EML5: variants seen among roughly 807,000 people sequenced by gnomAD.
EML5 encodes the protein EMAP like 5, also known as echinoderm microtubule-associated protein-like 5.
Under a neutral mutation model 250.0 loss-of-function variants are expected in EML5, and 120 were observed. That is an observed-to-expected ratio of 0.48 (90% confidence interval 0.41 to 0.56). The LOEUF (loss-of-function observed/expected upper bound fraction) is 0.56. Among genes scored for constraint, EML5 ranks in the 20% least tolerant of loss-of-function variants. The probability of loss-of-function intolerance (pLI) is 0.00; values close to 1 mark genes in which losing one functional copy is unlikely to be tolerated. For synonymous variants in EML5, 771 were observed against 806.5 expected (o/e 0.96, Z 0.75); for missense variants, 2,006 against 2,437.6 (o/e 0.82, Z 3.73).
Position 88,702,606 on chromosome 14 carries a change from T to C in EML5, c.2078A>G (p.Asn693Ser). 2 of 1,600,996 alleles carry C rather than the reference T, an allele frequency of 1.2e-6. No individual in the cohort carries two copies. Among genetic ancestry groups the C allele is most frequent in the Non-Finnish European group, 1.7e-6 (2 of 1,173,348 alleles). ...TTCACCAATTTGAGTATAAAACAGATTACTTCGACAGTCATAACCTCTGTA... is the reference window on the plus strand; with the variant it reads ...TTCACCAATTTGAGTATAAAACAGACTACTTCGACAGTCATAACCTCTGTA... ...HGYRGYDCRS[N>S]LFYTQIGEIV... The change falls in exon 14 of 44, where the codon AAT (asparagine) becomes AGT (serine). Residue 693 changes from asparagine (N) to serine (S), a missense_variant. Asn to Ser is a conservative substitution (Grantham distance 46). Coordinates refer to ENST00000554922, the MANE Select transcript of EML5 (RefSeq NM_183387.3).
chr14:88,712,328 C>A lies in EML5; in HGVS notation c.1600G>T (p.Val534Phe). The A allele has an allele frequency of 6.2e-7, 1 of 1,613,148 alleles. No homozygotes were observed. Among genetic ancestry groups the A allele is most frequent in the Non-Finnish European group, 8.5e-7 (1 of 1,179,508 alleles). Residue 534 changes from valine to phenylalanine, a missense_variant, in exon 10 of 44, where the codon GTT (valine) becomes TTT (phenylalanine). Val to Phe is a conservative substitution (Grantham distance 50). Coordinates refer to ENST00000554922, the MANE Select transcript of EML5 (RefSeq NM_183387.3). ...VDGNYIGQVL[V>F]TADDYGIIKL... ...ATAATTCCATAGTCATCAGCTGTAA[C>A]TAAAACTTGGCCAATATAATTTCCA...
rs553183341 is a variant in EML5 at position 88,631,292 on chromosome 14, C to A, written c.4357+3177G>T. ...GCCATGATGTGATCATGACACACCG[C>A]AGCCTCGAATTCCTGGGCTCAATTA... On this transcript the variant is annotated intron_variant, in intron 33 of 43. Transcript: ENST00000554922. Among the ~76,000 whole-genome samples, 5 of 152,330 alleles carry A rather than the reference C, an allele frequency of 3.3e-5. No individual in the cohort carries two copies. In the South Asian group the frequency reaches 1.0e-3, roughly 32 times the overall value.
intron 4 of EML5, 33 bp downstream of exon 4, chr14:88,743,990 C>T (rs773066511): frequency 4.8e-6 from 7 of 1,444,828 alleles, no homozygotes; most frequent in Non-Finnish European, 6.6e-6. Context: ...GAGAACTAAA[C>T]GTGACTATTA....
At chr14:88,750,629 T>C (rs1478298097) in intron 2 of EML5, among the ~76,000 whole-genome samples, 1 of 152,188 alleles carries the variant, frequency 6.6e-6, no homozygotes, top group Non-Finnish European at 1.5e-5. Context: ...TGCCATCTAG[T>C]ACCCAGTTAC....
intron 40 of EML5, 108 bp from the exon 41 acceptor site, chr14:88,618,439 A>G (rs936133135): frequency 4.4e-6 from 5 of 1,128,440 alleles, no homozygotes; most frequent in Non-Finnish European, 6.4e-6. Flanking sequence ...CATGTCTAAC[A>G]TTATTAAGTA....
intron 20 of EML5, among the ~76,000 whole-genome samples, chr14:88,682,234 T>C (rs896502590): frequency 1.3e-5 from 2 of 152,110 alleles, no homozygotes; most frequent in African/African-American, 2.4e-5. Context: ...ACAATTACCA[T>C]ATAATCAAGC....
chr14:88,730,552 A>G (rs779445765), intron 7 of EML5, among the ~76,000 whole-genome samples: 1 of 152,212 alleles, frequency 6.6e-6, no homozygotes, highest in Non-Finnish European at 1.5e-5. Flanking sequence ...AATATTGGGA[A>G]CACTACCAAT....
rs1324980308 is a variant in EML5 at position 88,614,664 on chromosome 14, G to A, written c.*1154C>T. ...AATTTTCAATCTTCAGGAAACTACAGATAGGCTAGACAGCGAATTCCTGAA... is the reference window on the plus strand; with the variant it reads ...AATTTTCAATCTTCAGGAAACTACAAATAGGCTAGACAGCGAATTCCTGAA... On this transcript the variant is annotated 3_prime_UTR_variant, in exon 44 of 44. Transcript: ENST00000554922. 1 of 152,148 alleles carries A rather than the reference G, an allele frequency of 6.6e-6. No individual in the cohort carries two copies. The highest frequency in any genetic ancestry group is 2.4e-5 in the African/African-American group (1 of 41,432). 9.4% of individuals were successfully genotyped at this position (152,148 alleles called of 1,614,324 possible).
chr14:88,620,050 G>A lies in EML5; in HGVS notation c.5375+704C>T, dbSNP rs1319010912. On this transcript the variant is annotated intron_variant, in intron 39 of 43. Coordinates refer to ENST00000554922, the MANE Select transcript of EML5 (RefSeq NM_183387.3). The surrounding 1 kb of genome is among the most constrained non-coding windows in gnomAD (Gnocchi z 4.3). ...ATGGGACAATTCAGTCTCTTGAAAT[G>A]GCCCATGAGTCTTACTGAGGTACGA... 6.6e-6 allele frequency: 1 copy of A among 152,202 alleles called. No homozygotes were observed. Among genetic ancestry groups the A allele is most frequent in the Admixed American group, 6.5e-5 (1 of 15,282 alleles). 9.4% of individuals were successfully genotyped at this position (152,202 alleles called of 1,614,324 possible). A position where few individuals can be genotyped will look rare whatever the true frequency, so the allele number is the denominator to read the frequency against.
chr14:88,680,597 T>TA (rs1157955603), intron 21 of EML5, among the ~76,000 whole-genome samples: 1 of 152,134 alleles, frequency 6.6e-6, no homozygotes, highest in Non-Finnish European at 1.5e-5. Context: ...GGACATACAT[T>TA]AACTGTACTC....
chr14:88,717,655 T>C (rs751596941), intron 8 of EML5, among the ~76,000 whole-genome samples: 5 of 152,176 alleles, frequency 3.3e-5, no homozygotes, highest in Non-Finnish European at 7.3e-5. Flanking sequence ...CTCAGGAGGC[T>C]GAGGCAGGAA....
At position 88,613,913 on chromosome 14, in the gene EML5, G is replaced by A. The variant is rs1272812589; in HGVS notation, c.*1905C>T. On this transcript the variant is annotated 3_prime_UTR_variant, in exon 44 of 44. Coordinates refer to ENST00000554922, the MANE Select transcript of EML5 (RefSeq NM_183387.3). ...CGTTGCTGGCTGATACAGCGAGGTG[G>A]TCAGCTGATGACTACTTAGTCAATA... The A allele has an allele frequency of 6.6e-6, 1 of 152,318 alleles. No individual in the cohort carries two copies. Among genetic ancestry groups the A allele is most frequent in the East Asian group, 1.9e-4 (1 of 5,188 alleles). 9.4% of individuals were successfully genotyped at this position (152,318 alleles called of 1,614,324 possible).
chr14:88,682,026 G>A lies in EML5; in HGVS notation c.2988C>T (p.His996=), dbSNP rs986900074. ...SGPITLLVQG[H]MEGEVWGLAT... ...CTAAACCCCACACCTCTCCTTCCATGTGTCCCTATAAAGAAAACATAGGAT... is the reference window on the plus strand; with the variant it reads ...CTAAACCCCACACCTCTCCTTCCATATGTCCCTATAAAGAAAACATAGGAT... The change falls in exon 21 of 44, where the codon CAC becomes CAT. Residue 996 remains histidine, a synonymous_variant. Coordinates refer to ENST00000554922, the MANE Select transcript of EML5 (RefSeq NM_183387.3). The A allele has an allele frequency of 1.3e-6, 2 of 1,593,860 alleles. No homozygotes were observed. Among genetic ancestry groups the A allele is most frequent in the Middle Eastern group, 1.7e-4 (1 of 5,972 alleles).
intron 33 of EML5, among the ~76,000 whole-genome samples, chr14:88,632,957 T>C (rs1326941951): frequency 1.3e-5 from 2 of 152,174 alleles, no homozygotes; most frequent in South Asian, 2.1e-4. Context: ...TGGAGAGACA[T>C]AGAAACCCTG....
chr14:88,762,338 C>T (rs755758206), intron 1 of EML5, among the ~76,000 whole-genome samples: 3 of 152,066 alleles, frequency 2.0e-5, no homozygotes, highest in Non-Finnish European at 4.4e-5. Flanking sequence ...CAGAGAAACC[C>T]AGTCTCTAAT....
chr14:88,688,562 T>C, intron 17 of EML5, 89 bp from the exon 18 acceptor site: 5 of 1,354,740 alleles, frequency 3.7e-6, no homozygotes, highest in Non-Finnish European at 4.1e-6. Flanking sequence ...GTTGTTGTTG[T>C]TGTTTGAATA....
intron 2 of EML5, among the ~76,000 whole-genome samples, chr14:88,752,110 G>A (rs1385722917): frequency 6.6e-6 from 1 of 152,036 alleles, no homozygotes; most frequent in Non-Finnish European, 1.5e-5. Flanking sequence ...TGAAATACAT[G>A]TACCCAAGAC....
chr14:88,760,967 A>G (rs970512698), intron 1 of EML5, among the ~76,000 whole-genome samples: 3 of 152,160 alleles, frequency 2.0e-5, no homozygotes, highest in African/African-American at 7.2e-5. Flanking sequence ...TAGTAGGTAG[A>G]AATATAACTA....
At chr14:88,703,700 T>C (rs2093262576) in intron 13 of EML5, among the ~76,000 whole-genome samples, 1 of 152,086 alleles carries the variant, frequency 6.6e-6, no homozygotes, top group African/African-American at 2.4e-5. Flanking sequence ...GATTGGAAAA[T>C]CTGTTTCTGC....
Sources: gnomAD v4.1 joint callset for allele counts (sites outside exome capture counted in the v4.1 genomes callset) on GRCh38, gnomAD v4.1.1 for gene constraint, Gnocchi (gnomAD v3.1) non-coding constraint, MANE v1.5 for transcripts, NCBI Gene and HGNC (gene_info 2026-07-23, HGNC 2026-07-21) for gene names.